MICAL3: variants seen among roughly 807,000 people sequenced by gnomAD.
The protein encoded by MICAL3 is [F-actin]-monooxygenase MICAL3.
Under a neutral mutation model 207.4 loss-of-function variants are expected in MICAL3, and 62 were observed. The ratio of observed to expected loss-of-function variants is 0.30; its 90% CI spans 0.24 to 0.37. MICAL3 has a LOEUF of 0.37. MICAL3 is among the 10% of genes least tolerant of loss of function. The probability of loss-of-function intolerance (pLI) is 1.00; values close to 1 mark genes in which losing one functional copy is unlikely to be tolerated. For missense variants in MICAL3, 2,368 were observed against 2,635.6 expected (o/e 0.90, Z 2.22); for synonymous variants, 1,077 against 1,069.3 (o/e 1.01, Z -0.14).
intron 1 of MICAL3, among the ~76,000 whole-genome samples, chr22:17,970,365 T>C (rs2146408720): frequency 6.6e-6 from 1 of 152,338 alleles, no homozygotes; most frequent in East Asian, 1.9e-4. Flanking sequence ...GGCCCACTGG[T>C]CCTTGAGTGA....
chr22:17,803,606 A>G (rs2061961430), intron 29 of MICAL3: 1 of 155,020 alleles, frequency 6.5e-6, no homozygotes. Context: ...AGGCAGCAAA[A>G]GCAAGCTCAG....
intron 1 of MICAL3, among the ~76,000 whole-genome samples, chr22:17,959,236 C>T (rs1251587399): frequency 6.6e-5 from 10 of 151,072 alleles, no homozygotes; most frequent in South Asian, 2.1e-4. Flanking sequence ...AGGATGGTCT[C>T]GATCTCCTGA....
chr22:17,817,715 G>A lies in MICAL3; in HGVS notation c.4946C>T (p.Ser1649Phe). 1.3e-6 allele frequency: 2 copies of A among 1,594,896 alleles called. No individual in the cohort carries two copies. Among genetic ancestry groups the A allele is most frequent in the Non-Finnish European group, 1.7e-6 (2 of 1,172,068 alleles). ...PSQGKERRPD[S>F]PTRPTLRGSE... is the part of the protein sequence containing the mutation. ...GCCCCTGAGAGTGGGGCGTGTGGGGGAGTCAGGCCGGCGCTCCTTGCCCTG... is the reference window on the plus strand; with the variant it reads ...GCCCCTGAGAGTGGGGCGTGTGGGGAAGTCAGGCCGGCGCTCCTTGCCCTG... The change falls in exon 26 of 32, where the codon TCC (serine) becomes TTC (phenylalanine). Residue 1649 changes from serine to phenylalanine, a missense_variant. Coordinates refer to ENST00000441493, the MANE Select transcript of MICAL3 (RefSeq NM_015241.3).
intron 1 of MICAL3, among the ~76,000 whole-genome samples, chr22:17,978,807 CCGTGCCTGGCCTGAG>C (rs1935772517): frequency 6.6e-6 from 1 of 151,784 alleles, no homozygotes. Flanking sequence ...GTGTGAGCCA[CCGTGCCTGGCCTGAG>C]CGGTACACTT....
At chr22:17,907,220 G>A (rs530414800) in intron 1 of MICAL3, among the ~76,000 whole-genome samples, 1 of 151,806 alleles carries the variant, frequency 6.6e-6, no homozygotes, top group Admixed American at 6.6e-5. Flanking sequence ...GGTGGTGAAG[G>A]GGGGGGGTCC....
chr22:17,888,912 G>T, intron 13 of MICAL3, 122 bp downstream of exon 13: 1 of 635,814 alleles, frequency 1.6e-6, no homozygotes. Flanking sequence ...CAGCTAACTG[G>T]TAAAAACACA....
rs759861345 is a variant in MICAL3, at chr22:17,817,627, G to A, written c.5034C>T (p.Asp1678=). The A allele has an allele frequency of 2.5e-6, 4 of 1,612,916 alleles. No individual in the cohort carries two copies. The highest frequency in any genetic ancestry group is 3.3e-5 in the Admixed American group (2 of 59,992). ...TGAAAGAGCCATCTGGGCCCCCTGA[G>A]TCCGACGGCGGGGAGAGGACCTCCT... ...TSEEVLSPPS[D]SGGPDGSFTS... The change falls in exon 26 of 32, where the codon GAC becomes GAT. Residue 1678 remains aspartate, a synonymous_variant. Transcript: ENST00000441493.
intron 19 of MICAL3, chr22:17,858,586 T>C: frequency 6.5e-6 from 3 of 461,990 alleles, no homozygotes; most frequent in African/African-American, 2.1e-5. Flanking sequence ...TTTTTTAGCA[T>C]GAAAATAAGA....
intron 29 of MICAL3, among the ~76,000 whole-genome samples, chr22:17,802,061 A>AT (rs35160195): frequency 0.25 from 35,459 of 143,590 alleles, 4,494 homozygotes; most frequent in Non-Finnish European, 0.29. Flanking sequence ...AATGTAAACA[A>AT]TTTTTTTTTT....
Position 17,902,627 on chromosome 22 carries a change from T to G in MICAL3, c.589+4A>C. 1 of 1,555,144 alleles carries G rather than the reference T, an allele frequency of 6.4e-7. No homozygotes were observed. The highest frequency in any genetic ancestry group is 8.8e-7 in the Non-Finnish European group (1 of 1,133,466). ...GCCTTCTTCACTCCTCCAGTATAAC[T>G]TACGTTCATTCTCTTGGTCCTCAGG... is the stretch of plus-strand genomic sequence containing the variant. On this transcript the variant is annotated splice_donor_region_variant and intron_variant, in intron 4 of 31. Transcript: ENST00000441493. The surrounding 1 kb of genome is among the most constrained non-coding windows in gnomAD (Gnocchi z 4.5).
chr22:17,947,955 G>T (rs1344398076), intron 1 of MICAL3, among the ~76,000 whole-genome samples: 1 of 151,510 alleles, frequency 6.6e-6, no homozygotes, highest in Non-Finnish European at 1.5e-5. Context: ...GACATTATGT[G>T]TTTAATAGCA....
intron 22 of MICAL3, among the ~76,000 whole-genome samples, chr22:17,826,092 CTTCTGAT>C (rs1321503294): frequency 6.6e-6 from 1 of 152,234 alleles, no homozygotes; most frequent in Non-Finnish European, 1.5e-5. Context: ...TGTGGAATAT[CTTCTGAT>C]TCCTCCCCTT....
At chr22:17,888,972 A>T (rs965472243) in intron 13 of MICAL3, 62 bp downstream of exon 13, 1 of 1,223,950 alleles carries the variant, frequency 8.2e-7, no homozygotes, top group Non-Finnish European at 1.1e-6. Context: ...GGAAGGAAGG[A>T]AGAACAGCCG....
intron 1 of MICAL3, among the ~76,000 whole-genome samples, chr22:17,962,352 A>C (rs1934949849): frequency 6.6e-6 from 1 of 152,214 alleles, no homozygotes; most frequent in Non-Finnish European, 1.5e-5. Context: ...GTGCCACCGG[A>C]GGCACGCACT....
chr22:18,007,967 A>G (rs1422593080), intron 1 of MICAL3, among the ~76,000 whole-genome samples: 2 of 143,334 alleles, frequency 1.4e-5, no homozygotes, highest in African/African-American at 5.3e-5. Flanking sequence ...TGGGCTGGGT[A>G]CGGTGGTTCC....
chr22:17,885,827 T>C, intron 16 of MICAL3, 51 bp downstream of exon 16: 1 of 1,563,968 alleles, frequency 6.4e-7, no homozygotes, highest in Non-Finnish European at 8.8e-7. Context: ...GATCCCCCCT[T>C]CTTGTGTGAT....
intron 1 of MICAL3, among the ~76,000 whole-genome samples, chr22:17,978,109 T>C (rs1935739491): frequency 1.3e-5 from 2 of 152,132 alleles, no homozygotes; most frequent in African/African-American, 2.4e-5. Flanking sequence ...CATAGCAATA[T>C]TCCAAATAGT....
chr22:18,009,066 C>T (rs1460441573), intron 1 of MICAL3, among the ~76,000 whole-genome samples: 1 of 151,830 alleles, frequency 6.6e-6, no homozygotes, highest in Admixed American at 6.6e-5. Context: ...GCCAGAAATT[C>T]TATGCAGTGG....
chr22:18,012,379 C>A (rs1420807013), intron 1 of MICAL3, among the ~76,000 whole-genome samples: 1 of 152,196 alleles, frequency 6.6e-6, no homozygotes, highest in Non-Finnish European at 1.5e-5. Context: ...ACTGTTGACT[C>A]TACTGGGCCT....
Sources: allele counts gnomAD v4.1 joint callset (sites outside exome capture counted in the v4.1 genomes callset), GRCh38; gene constraint gnomAD v4.1.1; non-coding constraint Gnocchi (gnomAD v3.1); transcripts MANE v1.5; gene names NCBI Gene and HGNC (gene_info 2026-07-23, HGNC 2026-07-21).